ESCO2: variants seen among roughly 807,000 people sequenced by gnomAD.
The protein encoded by ESCO2 is N-acetyltransferase ESCO2.
ESCO2 carries 51 observed loss-of-function variants against 61.7 expected under a neutral mutation model. That is an observed-to-expected ratio of 0.83 (90% CI 0.66 to 1.04). The LOEUF (loss-of-function observed/expected upper bound fraction) is 1.04. ESCO2 is among the 50% of genes least tolerant of loss of function. The probability of loss-of-function intolerance (pLI) is 0.00; values close to 1 mark genes in which losing one functional copy is unlikely to be tolerated. For synonymous variants in ESCO2, 230 were observed against 238.2 expected (o/e 0.97, Z 0.32); for missense variants, 692 against 686.2 (o/e 1.01, Z -0.09).
chr8:27,791,886 C>T, intron 7 of ESCO2, 77 bp from the exon 8 acceptor site: 1 of 1,235,116 alleles, frequency 8.1e-7, no homozygotes, highest in Non-Finnish European at 1.2e-6. Flanking sequence ...TTTGTCTTCT[C>T]CACATCAAAT....
At chr8:27,788,165 TTATC>T (rs1805090731) in intron 6 of ESCO2, among the ~76,000 whole-genome samples, 163 bp downstream of exon 6, 1 of 152,288 alleles carries the variant, frequency 6.6e-6, no homozygotes, top group Non-Finnish European at 1.5e-5. Flanking sequence ...ATTCTTGAAT[TTATC>T]TGTGCTTTTC....
At chr8:27,801,711 G>A (rs866631243) in intron 10 of ESCO2, among the ~76,000 whole-genome samples, 10 of 152,022 alleles carry the variant, frequency 6.6e-5, no homozygotes, top group African/African-American at 2.4e-4. Flanking sequence ...GGAAGCCTTT[G>A]TCAAGATCTA....
At chr8:27,779,997 T>G in intron 3 of ESCO2, 177 bp from the exon 4 acceptor site, 1 of 566,706 alleles carries the variant, frequency 1.8e-6, no homozygotes, top group South Asian at 2.0e-5. Flanking sequence ...GTACGCTTAG[T>G]GAATACAGGG....
At chr8:27,783,958 T>G (rs1804980105) in intron 4 of ESCO2, 42 bp from the exon 5 acceptor site, 7 of 1,511,326 alleles carry the variant, frequency 4.6e-6, no homozygotes, top group Non-Finnish European at 6.4e-6. Flanking sequence ...AAGCTTTGAT[T>G]TTATTTGGTA....
At chr8:27,773,483 G>A (rs940210962), upstream of ESCO2, among the ~76,000 whole-genome samples, 2 of 151,900 alleles carry the variant, frequency 1.3e-5, no homozygotes, top group Non-Finnish European at 2.9e-5. Flanking sequence ...GGGGGGAGGG[G>A]GGTTGGAATC....
intron 6 of ESCO2, among the ~76,000 whole-genome samples, chr8:27,788,523 C>CT (rs934777547): frequency 1.3e-4 from 16 of 121,512 alleles, no homozygotes; most frequent in Non-Finnish European, 2.4e-4. Context: ...TCTCTTGTCT[C>CT]TTTTTTTTCC....
At chr8:27,814,007 C>T (rs1156373582), downstream of ESCO2, among the ~76,000 whole-genome samples, 1 of 152,148 alleles carries the variant, frequency 6.6e-6, no homozygotes, top group African/African-American at 2.4e-5. Flanking sequence ...ATAATAATCA[C>T]ATCAGGACCG....
the ESCO2 span, among the ~76,000 whole-genome samples, chr8:27,818,176 T>A: frequency 6.6e-6 from 1 of 152,154 alleles, no homozygotes; most frequent in African/African-American, 2.4e-5. Context: ...TAATAAGCCT[T>A]GGTTGTTGTA....
downstream of ESCO2, chr8:27,811,053 T>G: frequency 6.2e-7 from 1 of 1,612,334 alleles, no homozygotes. Context: ...GTCTGCCTTG[T>G]CAGTAATAAC....
intron 6 of ESCO2, 78 bp downstream of exon 6, chr8:27,788,080 A>G: frequency 1.0e-6 from 1 of 977,976 alleles, no homozygotes; most frequent in Non-Finnish European, 1.6e-6. Context: ...TAGACAGTTC[A>G]GAACTTGGTA....
At chr8:27,817,450 G>A (rs1445085171), downstream of ESCO2, among the ~76,000 whole-genome samples, 1 of 151,980 alleles carries the variant, frequency 6.6e-6, no homozygotes, top group Non-Finnish European at 1.5e-5. Context: ...ATTTTAAAAT[G>A]TTTATGCCCT....
intron 3 of ESCO2, chr8:27,777,777 T>C (rs1296511393): frequency 6.6e-6 from 1 of 152,348 alleles, no homozygotes; most frequent in Non-Finnish European, 1.5e-5. Context: ...AGAGGTTGTC[T>C]CCAGATCAGG....
rs547780897 is a variant in ESCO2, at chr8:27,776,994, C to T, written c.686C>T (p.Ser229Leu). ...AAATCGTCCCTGGAAAATGAGCCGT[C>T]ACTGGGACGCACCCAAAAGAGTAAA... Reference protein sequence around the residue: ...LRKSSLENEPSLGRTQKSKSE... With the variant: ...LRKSSLENEPLLGRTQKSKSE... The change falls in exon 3 of 11, where the codon TCA becomes TTA. Residue 229 changes from serine (S) to leucine (L), a missense_variant. Coordinates refer to ENST00000305188, the MANE Select transcript of ESCO2 (RefSeq NM_001017420.3). The T allele has an allele frequency of 5.6e-6, 9 of 1,612,824 alleles. No individual in the cohort carries two copies. The African/African-American group carries it at 1.1e-4, about 19-fold the overall frequency.
chr8:27,816,343 C>CTT (rs1554559818), downstream of ESCO2, among the ~76,000 whole-genome samples: 2 of 136,370 alleles, frequency 1.5e-5, no homozygotes, highest in African/African-American at 2.9e-5. Flanking sequence ...TCATCGAATA[C>CTT]TATATATATA....
intron 5 of ESCO2, among the ~76,000 whole-genome samples, chr8:27,784,542 TACA>T (rs761372492): frequency 1.1e-4 from 16 of 152,164 alleles, no homozygotes; most frequent in Non-Finnish European, 1.9e-4. Context: ...AATAAGCATT[TACA>T]ACTTCATGAT....
chr8:27,778,678 T>TG (rs1370989663), intron 3 of ESCO2: 2 of 152,216 alleles, frequency 1.3e-5, no homozygotes, highest in African/African-American at 2.4e-5. Flanking sequence ...ACCAAATGAA[T>TG]GGTGACCTGA....
chr8:27,807,180 G>A (rs1672186394), downstream of ESCO2, among the ~76,000 whole-genome samples: 1 of 152,002 alleles, frequency 6.6e-6, no homozygotes, highest in South Asian at 2.1e-4. Context: ...GGGCATATTT[G>A]TTTCATTGCT....
downstream of ESCO2, chr8:27,811,089 G>A (rs754663737): frequency 3.1e-6 from 5 of 1,613,414 alleles, no homozygotes; most frequent in East Asian, 2.2e-5. Context: ...AGCTTCTTTG[G>A]GTTTCCATGG....
chr8:27,817,727 TA>T, the ESCO2 span, among the ~76,000 whole-genome samples: 3 of 152,164 alleles, frequency 2.0e-5, no homozygotes, highest in Non-Finnish European at 4.4e-5. Flanking sequence ...TAAACATTTT[TA>T]AAGGTTTTTC....
Sources: gnomAD v4.1 joint callset for allele counts (sites outside exome capture counted in the v4.1 genomes callset) on GRCh38, gnomAD v4.1.1 for gene constraint, MANE v1.5 for transcripts, NCBI Gene and HGNC (gene_info 2026-07-23, HGNC 2026-07-21) for gene names.